Variants in MYO6 observed in about 807,000 individuals in gnomAD.
The protein encoded by MYO6 is myosin VI, also known as unconventional myosin-VI.
Under a neutral mutation model 178.7 loss-of-function variants are expected in MYO6, and 74 were observed. The ratio of observed to expected loss-of-function variants is 0.41; its 90% CI spans 0.34 to 0.50. MYO6 has a LOEUF of 0.50. MYO6 is among the 20% of genes least tolerant of loss of function. The probability of loss-of-function intolerance (pLI) is 0.09; values close to 1 mark genes in which losing one functional copy is unlikely to be tolerated. For missense variants in MYO6, 1,330 were observed against 1,547.4 expected, an observed-to-expected ratio of 0.86 and a Z score of 2.36; for synonymous variants, 477 against 504.6, an observed-to-expected ratio of 0.95 and a Z score of 0.73.
intron 13 of MYO6, among the ~76,000 whole-genome samples, chr6:75,858,348 G>A (rs1775902935): frequency 1.3e-5 from 2 of 152,194 alleles, no homozygotes; most frequent in Non-Finnish European, 2.9e-5. Context: ...GCTCATGCCT[G>A]TAATCCCAAC....
chr6:75,762,401 TGTA>T (rs953595894), intron 1 of MYO6, among the ~76,000 whole-genome samples: 1 of 152,220 alleles, frequency 6.6e-6, no homozygotes, highest in African/African-American at 2.4e-5. Context: ...AGGTGATAGA[TGTA>T]GTAAGGAGTA....
At chr6:75,842,748 T>C (rs1774356897) in intron 9 of MYO6, among the ~76,000 whole-genome samples, 4 of 152,200 alleles carry the variant, frequency 2.6e-5, no homozygotes, top group Admixed American at 2.6e-4. Flanking sequence ...AATATAATAA[T>C]GATGATACGG....
chr6:75,848,920 A>G (rs1774993743), intron 11 of MYO6, among the ~76,000 whole-genome samples: 1 of 152,176 alleles, frequency 6.6e-6, no homozygotes, highest in South Asian at 2.1e-4. Flanking sequence ...GGGTGAATTA[A>G]TTAGGGCAAT....
At chr6:75,763,751 GC>G (rs1228071212) in intron 1 of MYO6, among the ~76,000 whole-genome samples, 1 of 152,076 alleles carries the variant, frequency 6.6e-6, no homozygotes, top group Non-Finnish European at 1.5e-5. Context: ...CTACTTAAGT[GC>G]CAAAATCAGT....
intron 30 of MYO6, among the ~76,000 whole-genome samples, chr6:75,900,918 T>A (rs1343112193): frequency 2.0e-4 from 30 of 149,956 alleles, no homozygotes; most frequent in African/African-American, 7.4e-4. Flanking sequence ...GTATAAGGTG[T>A]AAGGAAGGGA....
At chr6:75,913,799 G>T (rs963928130) in intron 33 of MYO6, among the ~76,000 whole-genome samples, 6 of 152,064 alleles carry the variant, frequency 3.9e-5, no homozygotes, top group African/African-American at 1.4e-4. Context: ...TCTGACAGGG[G>T]TTTGTTGCTG....
chr6:75,772,571 G>A (rs1766000355), intron 1 of MYO6, among the ~76,000 whole-genome samples: 1 of 152,148 alleles, frequency 6.6e-6, no homozygotes, highest in African/African-American at 2.4e-5. Flanking sequence ...ACAGTATTGA[G>A]CATCCAGATA....
At chr6:75,855,413 AC>A in intron 12 of MYO6, 130 bp downstream of exon 12, 1 of 873,022 alleles carries the variant, frequency 1.1e-6, no homozygotes, top group Non-Finnish European at 1.8e-6. Flanking sequence ...GTAGTAATCC[AC>A]CATATAAATA....
chr6:75,777,522 G>A (rs761567380), intron 1 of MYO6, among the ~76,000 whole-genome samples: 4 of 151,564 alleles, frequency 2.6e-5, no homozygotes, highest in Non-Finnish European at 4.4e-5. Context: ...TGACTTCCTG[G>A]GCTCAGATGA....
At chr6:75,781,236 G>A (rs1334016753) in intron 1 of MYO6, among the ~76,000 whole-genome samples, 1 of 152,164 alleles carries the variant, frequency 6.6e-6, no homozygotes, top group Non-Finnish European at 1.5e-5. Context: ...GTTAAAAGTA[G>A]GTTCATAGAA....
chr6:75,791,607 C>A (rs565925762), intron 1 of MYO6, among the ~76,000 whole-genome samples: 1 of 152,048 alleles, frequency 6.6e-6, no homozygotes, highest in Non-Finnish European at 1.5e-5. Context: ...AAAAAGTACT[C>A]GATCAAGGAG....
intron 14 of MYO6, 106 bp downstream of exon 14, chr6:75,859,099 A>G: frequency 1.3e-6 from 1 of 788,082 alleles, no homozygotes; most frequent in Non-Finnish European, 2.1e-6. Flanking sequence ...GATGGTGTAT[A>G]ACGGAAGGTG....
chr6:75,828,699 T>A, intron 4 of MYO6, 86 bp downstream of exon 4: 1 of 882,220 alleles, frequency 1.1e-6, no homozygotes, highest in Non-Finnish European at 1.9e-6. Context: ...TGAAATTGTC[T>A]AACAGAAAAT....
At chr6:75,894,239 A>C (rs1280896263) in intron 28 of MYO6, among the ~76,000 whole-genome samples, 2 of 152,226 alleles carry the variant, frequency 1.3e-5, no homozygotes, top group Non-Finnish European at 2.9e-5. Flanking sequence ...AGAAAGGTAC[A>C]TGTCTTCCAG....
At chr6:75,816,877 A>G (rs924017542) in intron 1 of MYO6, among the ~76,000 whole-genome samples, 1 of 152,228 alleles carries the variant, frequency 6.6e-6, no homozygotes, top group Admixed American at 6.5e-5. Flanking sequence ...ATTACACTCA[A>G]CTGGTAAAAA....
Position 75,779,033 on chromosome 6 carries a change from G to T in MYO6, c.-48+29610G>T, listed in dbSNP as rs11968314. ...GATCCCGCCAGTGCATTCTAGGCTGGATGACAGAGTGAGACTTTGTCTCAA... is the reference window on the plus strand; with the variant it reads ...GATCCCGCCAGTGCATTCTAGGCTGTATGACAGAGTGAGACTTTGTCTCAA... On this transcript the variant is annotated intron_variant, in intron 1 of 34. Coordinates refer to ENST00000369977, the MANE Select transcript of MYO6 (RefSeq NM_004999.4). Among the ~76,000 whole-genome samples, 1,235 of 134,950 alleles carry T rather than the reference G, an allele frequency of 9.2e-3. 17 individuals are homozygous for T. The highest frequency in any genetic ancestry group is 0.034 in the African/African-American group (1,190 of 35,450). 88.5% of individuals were successfully genotyped at this position (134,950 alleles called of 152,430 possible).
In MYO6 at chr6:75,886,971, G is replaced by T. The variant is rs60970824; in HGVS notation, c.2635G>T (p.Asp879Tyr). The T allele has an allele frequency of 6.2e-7, 1 of 1,613,632 alleles. No individual in the cohort carries two copies. The highest frequency in any genetic ancestry group is 1.7e-5 in the Admixed American group (1 of 59,994). ...GATCAAGAATCTGGAAATTTCTATTGATACTTTGATGGCCAAAATTAAGGT... is the reference window on the plus strand; with the variant it reads ...GATCAAGAATCTGGAAATTTCTATTTATACTTTGATGGCCAAAATTAAGGT... ...KQIKNLEISIDTLMAKIKSTM... is the reference protein window; with the variant it reads ...KQIKNLEISIYTLMAKIKSTM... Residue 879 changes from aspartate to tyrosine, a missense_variant, in exon 25 of 35, where the codon GAT (aspartate) becomes TAT (tyrosine). Asp to Tyr is a radical substitution (Grantham distance 160). Around this residue, in one of 3 missense-constraint regions of MYO6, gnomAD observed 601 missense variants for 626.1 expected, o/e 0.96. Transcript: ENST00000369977.
Position 75,908,553 on chromosome 6 carries a change from A to T in MYO6, c.3338A>T (p.His1113Leu), listed in dbSNP as rs755485724. The part of the protein sequence containing the change: ...EEFHRRLKVY[H>L]AWKSKNKKRN... ...TTTCATAGGAGACTAAAAGTGTATC[A>T]TGCTTGGAAATCTAAGAACAAGAAG... The change falls in exon 32 of 35, where the codon CAT (histidine) becomes CTT (leucine). Residue 1113 changes from histidine (H) to leucine (L), a missense_variant. Around this residue, in one of 3 missense-constraint regions of MYO6, gnomAD observed 601 missense variants for 626.1 expected, o/e 0.96. Coordinates refer to ENST00000369977, the MANE Select transcript of MYO6 (RefSeq NM_004999.4). 2.5e-6 allele frequency: 4 copies of T among 1,613,606 alleles called. No homozygotes were observed. The highest frequency in any genetic ancestry group is 3.4e-6 in the Non-Finnish European group (4 of 1,179,690).
Position 75,844,983 on chromosome 6 carries a change from G to GTA in MYO6, c.897+7_897+8dup, listed in dbSNP as rs1213439193. 2 of 1,599,466 alleles carry GTA rather than the reference G, an allele frequency of 1.3e-6. No individual in the cohort carries two copies. Among genetic ancestry groups the GTA allele is most frequent in the Non-Finnish European group, 8.6e-7 (1 of 1,167,472 alleles). ...AGAACCGCAAAAGTCCTGAGGTATA[G>GTA]TAGACCATTGTTCATAAAATCTTTA... On this transcript the variant is annotated splice_region_variant and intron_variant, in intron 10 of 34. Transcript: ENST00000369977.
Sources: gnomAD v4.1 joint callset for allele counts (sites outside exome capture counted in the v4.1 genomes callset) on GRCh38, gnomAD v4.1.1 for gene constraint, gnomAD v4.1.1 regional missense constraint, MANE v1.5 for transcripts, NCBI Gene and HGNC (gene_info 2026-07-23, HGNC 2026-07-21) for gene names.